The following PCDHGA1 variants were observed in gnomAD, a reference collection of about 807,000 sequenced individuals.
PCDHGA1 encodes the protein protocadherin gamma-A1.
In PCDHGA1, 32 loss-of-function variants were observed where a neutral mutation model predicts 58.0. The ratio of observed to expected loss-of-function variants is 0.55; its 90% CI spans 0.42 to 0.74. The LOEUF (loss-of-function observed/expected upper bound fraction) is 0.74. Among genes scored for constraint, PCDHGA1 ranks in the 30% least tolerant of loss-of-function variants. The probability of loss-of-function intolerance (pLI) is 0.00; values close to 1 mark genes in which losing one functional copy is unlikely to be tolerated. For synonymous variants in PCDHGA1, 498 were observed against 501.1 expected, an observed-to-expected ratio of 0.99 and a Z score of 0.08; for missense variants, 1,205 against 1,182.3, an observed-to-expected ratio of 1.02 and a Z score of -0.28.
At chr5:141,438,896 CCT>C (rs886177991) in intron 1 of PCDHGA1, among the ~76,000 whole-genome samples, 30 of 151,820 alleles carry the variant, frequency 2.0e-4, no homozygotes, top group Non-Finnish European at 7.4e-5. Context: ...GAACTCCTGA[CCT>C]CAGGTGATCC....
At chr5:141,351,552 G>A in intron 1 of PCDHGA1, 2 of 1,614,026 alleles carry the variant, frequency 1.2e-6, no homozygotes, top group Non-Finnish European at 1.7e-6. Flanking sequence ...CTTTCCTCCA[G>A]GACAAGCATC....
At chr5:141,366,570 G>A (rs373636717) in intron 1 of PCDHGA1, 2 of 1,614,218 alleles carry the variant, frequency 1.2e-6, no homozygotes, top group Non-Finnish European at 1.7e-6. Context: ...GATGGGGTTC[G>A]GGCTTTCCTG....
In PCDHGA1 at chr5:141,432,931, G is replaced by A. The variant is rs2097550450; in HGVS notation, c.2422-61876G>A. The A allele has an allele frequency of 6.2e-7, 1 of 1,614,198 alleles. No individual in the cohort carries two copies. The highest frequency in any genetic ancestry group is 2.2e-5 in the East Asian group (1 of 44,864). Reference sequence around the variant, plus strand: ...TGCGGCGCTGGCACAAGTCACGCCTGCTGCAGGCTTCAGGAGGCGGCTTGA... The same window carrying A: ...TGCGGCGCTGGCACAAGTCACGCCTACTGCAGGCTTCAGGAGGCGGCTTGA... On this transcript the variant is annotated intron_variant, in intron 1 of 3. Transcript: ENST00000517417. The surrounding 1 kb of genome is among the most constrained non-coding windows in gnomAD (Gnocchi z 6.0).
intron 1 of PCDHGA1, chr5:141,389,544 A>G (rs759523366): frequency 1.2e-6 from 2 of 1,613,260 alleles, no homozygotes; most frequent in Non-Finnish European, 1.7e-6. Context: ...GGACGACCGC[A>G]ACGACAATGC....
At chr5:141,375,593 T>A (rs922478028) in intron 1 of PCDHGA1, 5 of 1,614,142 alleles carry the variant, frequency 3.1e-6, no homozygotes, top group Non-Finnish European at 4.2e-6. Context: ...CCTGTCCTCC[T>A]ACGTGTCCAT....
chr5:141,489,900 A>G lies in PCDHGA1; in HGVS notation c.2422-4907A>G, dbSNP rs963522810. The stretch of plus-strand genomic sequence containing the variant: ...TTACTGCTGTGGATGGGGGGACCCC[A>G]GCCCGCTCAGGGACCACCCTTATCT... On this transcript the variant is annotated intron_variant, in intron 1 of 3. Transcript: ENST00000517417. The surrounding 1 kb of genome is among the most constrained non-coding windows in gnomAD (Gnocchi z 4.5). The G allele has an allele frequency of 1.9e-6, 3 of 1,614,254 alleles. No homozygotes were observed. The highest frequency in any genetic ancestry group is 1.7e-5 in the Admixed American group (1 of 60,026).
At chr5:141,362,084 G>A (rs373978037) in intron 1 of PCDHGA1, 2 of 1,613,192 alleles carry the variant, frequency 1.2e-6, no homozygotes, top group Non-Finnish European at 1.7e-6. Flanking sequence ...CGTGATGGAG[G>A]ACAGCCGCCA....
intron 1 of PCDHGA1, chr5:141,356,647 G>T: frequency 1.9e-6 from 3 of 1,614,084 alleles, no homozygotes; most frequent in Non-Finnish European, 2.5e-6. Flanking sequence ...TGACAGTGGT[G>T]ACAATGCCCG....
At chr5:141,429,091 T>A (rs985605582) in intron 1 of PCDHGA1, 2 of 152,160 alleles carry the variant, frequency 1.3e-5, no homozygotes, top group African/African-American at 4.8e-5. Flanking sequence ...CCTGACCTCG[T>A]GATCTGCCCG....
At chr5:141,412,385 AT>A (rs1277702119) in intron 1 of PCDHGA1, 2 of 152,236 alleles carry the variant, frequency 1.3e-5, no homozygotes, top group Admixed American at 1.3e-4. Flanking sequence ...AAATAGGTCC[AT>A]TTAACTTGTA....
At chr5:141,419,558 C>T (rs560723941) in intron 1 of PCDHGA1, 1 of 1,611,970 alleles carries the variant, frequency 6.2e-7, no homozygotes, top group African/African-American at 1.3e-5. Context: ...GTACCCTGCG[C>T]TGGGTCCCGA....
chr5:141,499,881 T>A (rs2099795027), intron 2 of PCDHGA1, among the ~76,000 whole-genome samples: 1 of 152,082 alleles, frequency 6.6e-6, no homozygotes, highest in African/African-American at 2.4e-5. Flanking sequence ...ACAAACAGGG[T>A]TTCGCCATGT....
At chr5:141,377,359 T>A (rs1773912257) in intron 1 of PCDHGA1, 1 of 152,146 alleles carries the variant, frequency 6.6e-6, no homozygotes, top group South Asian at 2.1e-4. Flanking sequence ...TAATCCCACC[T>A]CTTCAGGAGG....
At chr5:141,369,977 G>T (rs1398752319) in intron 1 of PCDHGA1, among the ~76,000 whole-genome samples, 1 of 152,202 alleles carries the variant, frequency 6.6e-6, no homozygotes, top group African/African-American at 2.4e-5. Flanking sequence ...AAAGGTACTT[G>T]ATTTGGATGG....
chr5:141,456,426 A>G (rs2098857765), intron 1 of PCDHGA1, among the ~76,000 whole-genome samples: 1 of 152,210 alleles, frequency 6.6e-6, no homozygotes, highest in Non-Finnish European at 1.5e-5. Context: ...AATTCAAGTT[A>G]TAGTATTGAG....
chr5:141,398,578 A>C (rs370163028), intron 1 of PCDHGA1: 29 of 1,613,942 alleles, frequency 1.8e-5, no homozygotes, highest in Admixed American at 3.3e-5. Context: ...GCCTGGCACA[A>C]GATTTATACT....
intron 3 of PCDHGA1, chr5:141,507,313 T>TAC (rs1554192306): frequency 6.7e-6 from 1 of 150,168 alleles, no homozygotes. Context: ...CATAATGTAC[T>TAC]AAAAAAAAAA....
chr5:141,435,519 T>C (rs2097768121), intron 1 of PCDHGA1, among the ~76,000 whole-genome samples: 2 of 152,192 alleles, frequency 1.3e-5, no homozygotes, highest in South Asian at 4.1e-4. Context: ...ATGATGACTT[T>C]GTGGAATATT....
At chr5:141,402,091 G>A (rs1453803021) in intron 1 of PCDHGA1, among the ~76,000 whole-genome samples, 2 of 152,204 alleles carry the variant, frequency 1.3e-5, no homozygotes, top group African/African-American at 4.8e-5. Context: ...TAGCAGAAAA[G>A]TTTAAGCAAT....
Sources: allele counts gnomAD v4.1 joint callset (sites outside exome capture counted in the v4.1 genomes callset), GRCh38; gene constraint gnomAD v4.1.1; non-coding constraint Gnocchi (gnomAD v3.1); transcripts MANE v1.5; gene names NCBI Gene and HGNC (gene_info 2026-07-23, HGNC 2026-07-21).